Variants in KLHL32 observed in about 807,000 individuals in gnomAD.
KLHL32 encodes kelch like family member 32, also known as kelch-like protein 32.
A neutral mutation model predicts 64.8 loss-of-function variants in KLHL32; 35 were observed. The observed-to-expected ratio is 0.54, with a 90% confidence interval of 0.41 to 0.72. KLHL32 has a LOEUF of 0.72. Among genes scored for constraint, KLHL32 ranks in the 30% least tolerant of loss-of-function variants. The pLI is 0.00. For missense variants in KLHL32, 589 were observed against 768.5 expected, an observed-to-expected ratio of 0.77 and a Z score of 2.76; for synonymous variants, 259 against 281.0, an observed-to-expected ratio of 0.92 and a Z score of 0.78.
chr6:96,993,805 C>G (rs1189756414), intron 3 of KLHL32, among the ~76,000 whole-genome samples: 2 of 152,098 alleles, frequency 1.3e-5, no homozygotes, highest in Admixed American at 6.5e-5. Flanking sequence ...TTCTGAGCCC[C>G]AATTCCCACA....
intron 3 of KLHL32, among the ~76,000 whole-genome samples, chr6:96,991,918 TG>T (rs1777919789): frequency 6.6e-6 from 1 of 151,896 alleles, no homozygotes; most frequent in Non-Finnish European, 1.5e-5. Context: ...TGCGCTGTGC[TG>T]GGGGTCTATG....
At chr6:96,947,307 G>A (rs924709549) in intron 1 of KLHL32, among the ~76,000 whole-genome samples, 1 of 152,042 alleles carries the variant, frequency 6.6e-6, no homozygotes, top group Non-Finnish European at 1.5e-5. Context: ...TGAGTTCTCT[G>A]AACCTCCTCT....
intron 3 of KLHL32, among the ~76,000 whole-genome samples, chr6:97,038,390 T>A (rs1420404505): frequency 6.6e-6 from 1 of 150,626 alleles, no homozygotes; most frequent in Non-Finnish European, 1.5e-5. Context: ...GATATACAGA[T>A]GTCCAATAGA....
intron 3 of KLHL32, among the ~76,000 whole-genome samples, chr6:97,016,810 G>A (rs1781265995): frequency 6.6e-6 from 1 of 152,200 alleles, no homozygotes; most frequent in Non-Finnish European, 1.5e-5. Context: ...TGAGATGGTT[G>A]GATCCTGCGG....
chr6:97,132,815 C>A, intron 10 of KLHL32, 68 bp downstream of exon 10: 2 of 1,066,648 alleles, frequency 1.9e-6, no homozygotes, highest in Non-Finnish European at 2.8e-6. Flanking sequence ...TGCAATGCTG[C>A]TACTGAAGAA....
At chr6:96,992,687 TC>T (rs1246670992) in intron 3 of KLHL32, among the ~76,000 whole-genome samples, 1 of 152,240 alleles carries the variant, frequency 6.6e-6, no homozygotes, top group Non-Finnish European at 1.5e-5. Context: ...TCTCAACTCT[TC>T]CACCACAATG....
chr6:96,987,633 C>T (rs1777279684), intron 3 of KLHL32, among the ~76,000 whole-genome samples: 1 of 152,180 alleles, frequency 6.6e-6, no homozygotes, highest in Admixed American at 6.5e-5. Context: ...AAAACAGAGC[C>T]TGCATTGCCA....
intron 1 of KLHL32, among the ~76,000 whole-genome samples, chr6:96,932,602 T>C (rs1176284419): frequency 6.5e-5 from 8 of 123,962 alleles, no homozygotes; most frequent in African/African-American, 2.1e-4. Context: ...AGATTCTCGC[T>C]CTGTCACCCA....
chr6:96,898,709 CA>C, the KLHL32 span, among the ~76,000 whole-genome samples: 1 of 151,264 alleles, frequency 6.6e-6, no homozygotes, highest in Non-Finnish European at 1.5e-5. Flanking sequence ...AAAAAACAAA[CA>C]AACAAAAAAA....
chr6:97,103,533 A>G (rs920571725), intron 6 of KLHL32, among the ~76,000 whole-genome samples: 5 of 152,196 alleles, frequency 3.3e-5, no homozygotes, highest in Non-Finnish European at 7.3e-5. Flanking sequence ...ATTCTAACCA[A>G]TATTACCTTG....
chr6:96,932,253 A>G (rs1351631622), intron 1 of KLHL32, among the ~76,000 whole-genome samples: 2 of 87,710 alleles, frequency 2.3e-5, no homozygotes, highest in African/African-American at 8.2e-5. Flanking sequence ...ATATGGAATC[A>G]ATGTTTTTTT....
rs115338354 is a variant in KLHL32 at position 96,981,396 on chromosome 6, A to C, written c.204+5219A>C. On this transcript the variant is annotated intron_variant, in intron 3 of 10. Transcript: ENST00000369261. ...TTTGTATTTCTGTGAAGTTGGAAGT[A>C]ATATTCCCTTTTTCATTTCTGATTG... is the stretch of plus-strand genomic sequence containing the variant. Among the ~76,000 whole-genome samples the C allele has an allele frequency of 1.3e-3, 205 of 152,172 alleles. 1 individual carries two copies. Among genetic ancestry groups the C allele is most frequent in the African/African-American group, 4.4e-3 (183 of 41,528 alleles).
intron 7 of KLHL32, among the ~76,000 whole-genome samples, chr6:97,125,885 A>G (rs899680932): frequency 6.6e-6 from 1 of 152,200 alleles, no homozygotes. Flanking sequence ...TTTAAGGAAG[A>G]TATTATTGGG....
At chr6:97,056,070 A>G (rs982061042) in intron 4 of KLHL32, among the ~76,000 whole-genome samples, 1 of 148,836 alleles carries the variant, frequency 6.7e-6, no homozygotes, top group African/African-American at 2.5e-5. Context: ...CGTGCAGCAT[A>G]GCCAGCCTCC....
intron 4 of KLHL32, among the ~76,000 whole-genome samples, chr6:97,044,945 A>C (rs1464983455): frequency 1.3e-5 from 2 of 151,774 alleles, no homozygotes; most frequent in Non-Finnish European, 2.9e-5. Context: ...TTATCTTTTC[A>C]AATAATGAAG....
In KLHL32 at chr6:96,976,176, G is replaced by A. The variant is rs1359249652; in HGVS notation, c.203G>A (p.Arg68Gln). ...CTAGCAGCATGCAGTGACTATTTCCGGGTAAGTCAGCATTGTTTGTTTCTC... is the reference window on the plus strand; with the variant it reads ...CTAGCAGCATGCAGTGACTATTTCCAGGTAAGTCAGCATTGTTTGTTTCTC... ...AVLAACSDYF[R>Q]AMFSLCMVES... The change falls in exon 3 of 11, where the codon CGG becomes CAG. Residue 68 changes from arginine to glutamine, a missense_variant and splice_region_variant. This residue lies in a region of KLHL32 where 191 missense variants were observed against 223.3 expected (regional missense o/e 0.86). Coordinates refer to ENST00000369261, the MANE Select transcript of KLHL32 (RefSeq NM_052904.4). 7 of 1,547,906 alleles carry A rather than the reference G, an allele frequency of 4.5e-6. No homozygotes were observed. The highest frequency in any genetic ancestry group is 2.4e-5 in the South Asian group (2 of 83,550).
At position 97,106,742 on chromosome 6, in the gene KLHL32, CA is replaced by C. The variant is rs113362615; in HGVS notation, c.628-7027del. Among the ~76,000 whole-genome samples, 832 of 118,438 alleles carry C rather than the reference CA, an allele frequency of 7.0e-3. 3 individuals carry two copies. Among genetic ancestry groups the C allele is most frequent in the African/African-American group, 0.016 (545 of 33,126 alleles). The allele number at this position is 118,438 out of a possible 152,430, so 77.7% of individuals were successfully genotyped here. ...CCGGGTGACAGAGGAGACCCTGTCT[CA>C]AAAAAAAAAAAAATTAAATGTGAAA... On this transcript the variant is annotated intron_variant, in intron 6 of 10. Coordinates refer to ENST00000369261, the MANE Select transcript of KLHL32 (RefSeq NM_052904.4).
intron 3 of KLHL32, among the ~76,000 whole-genome samples, chr6:97,036,864 T>G (rs1340480479): frequency 6.6e-6 from 1 of 152,204 alleles, no homozygotes; most frequent in African/African-American, 2.4e-5. Context: ...TTTGTGTTGG[T>G]AAAGACTGGG....
chr6:97,138,319 G>C (rs1201769787), intron 10 of KLHL32, among the ~76,000 whole-genome samples: 1 of 152,138 alleles, frequency 6.6e-6, no homozygotes, highest in African/African-American at 2.4e-5. Flanking sequence ...TGGAAGGATT[G>C]CTTGAGCCCA....
Sources: allele counts gnomAD v4.1 joint callset (sites outside exome capture counted in the v4.1 genomes callset), GRCh38; gene constraint gnomAD v4.1.1; regional missense constraint gnomAD v4.1.1; transcripts MANE v1.5; gene names NCBI Gene and HGNC (gene_info 2026-07-23, HGNC 2026-07-21).